The following TERF2 variants were observed in gnomAD, a reference collection of about 807,000 sequenced individuals.
TERF2 encodes telomeric repeat-binding factor 2.
TERF2 carries 16 observed loss-of-function variants against 56.1 expected under a neutral mutation model. The observed-to-expected ratio is 0.29, with a 90% CI of 0.19 to 0.43. The LOEUF (loss-of-function observed/expected upper bound fraction) is 0.43. TERF2 is among the 20% of genes least tolerant of loss of function. TERF2 has a pLI of 1.00. For missense variants in TERF2, 547 were observed against 712.9 expected, an observed-to-expected ratio of 0.77 and a Z score of 2.65; for synonymous variants, 296 against 282.1, an observed-to-expected ratio of 1.05 and a Z score of -0.50.
At chr16:69,368,631 A>G in intron 5 of TERF2, 149 bp from the exon 6 acceptor site, 1 of 1,528,878 alleles carries the variant, frequency 6.5e-7, no homozygotes, top group Non-Finnish European at 8.8e-7. Flanking sequence ...ATGGGAGAGA[A>G]CTTGTAAGAC....
intron 7 of TERF2, among the ~76,000 whole-genome samples, chr16:69,363,019 TTAAC>T (rs1216174157): frequency 6.6e-6 from 1 of 152,264 alleles, no homozygotes; most frequent in African/African-American, 2.4e-5. Flanking sequence ...ATGAAATTAC[TTAAC>T]TAAGTGGCTG....
chr16:69,384,866 C>A, intron 2 of TERF2, 156 bp from the exon 3 acceptor site: 1 of 631,770 alleles, frequency 1.6e-6, no homozygotes, highest in Non-Finnish European at 2.4e-6. Flanking sequence ...TTGACATACA[C>A]GATAAGGGTC....
intron 3 of TERF2, among the ~76,000 whole-genome samples, chr16:69,383,238 T>C (rs1373291503): frequency 6.6e-6 from 1 of 152,146 alleles, no homozygotes; most frequent in Non-Finnish European, 1.5e-5. Context: ...TTGAGTGCCA[T>C]GTTGGCACTC....
intron 7 of TERF2, chr16:69,365,096 G>C (rs1393700922): frequency 6.6e-6 from 1 of 152,276 alleles, no homozygotes; most frequent in Non-Finnish European, 1.5e-5. Context: ...GAGAGAGGGT[G>C]TATGTCTGAA....
chr16:69,357,428 C>G, intron 9 of TERF2, 90 bp downstream of exon 9: 1 of 1,087,152 alleles, frequency 9.2e-7, no homozygotes, highest in Non-Finnish European at 1.4e-6. Context: ...TTACTGGGTA[C>G]ATAACCAGTC....
intron 3 of TERF2, among the ~76,000 whole-genome samples, chr16:69,375,465 A>C (rs991630812): frequency 4.6e-5 from 7 of 152,186 alleles, no homozygotes; most frequent in Non-Finnish European, 1.5e-5. Flanking sequence ...TCAGAAGGCC[A>C]AGGTAGGAGG....
intron 8 of TERF2, among the ~76,000 whole-genome samples, chr16:69,358,903 T>C (rs1467571423): frequency 6.6e-6 from 1 of 152,258 alleles, no homozygotes; most frequent in Admixed American, 6.5e-5. Context: ...AAAAGGAATA[T>C]GCCTACGATA....
intron 6 of TERF2, 62 bp from the exon 7 acceptor site, chr16:69,367,261 C>T: frequency 2.6e-6 from 4 of 1,513,860 alleles, no homozygotes; most frequent in Non-Finnish European, 3.5e-6. Flanking sequence ...TCCAAACAGC[C>T]ACAACTTTTT....
chr16:69,372,579 A>G (rs904221292), intron 3 of TERF2, among the ~76,000 whole-genome samples: 1 of 152,148 alleles, frequency 6.6e-6, no homozygotes, highest in African/African-American at 2.4e-5. Flanking sequence ...CCTGACCAAC[A>G]TGGAGAAACC....
In TERF2 at chr16:69,356,166, C is replaced by A. The variant is rs761696093; in HGVS notation, c.*732G>T. The A allele has an allele frequency of 8.8e-6, 4 of 454,068 alleles. No homozygotes were observed. The highest frequency in any genetic ancestry group is 2.0e-5 in the African/African-American group (1 of 49,984). The allele number at this position is 454,068 out of a possible 1,614,324, so 28.1% of individuals were successfully genotyped here. ...GTTCCTTTGCATTTGCATCAGAAGG[C>A]CAGAACTTGACGTGGAACAAATTTA... On this transcript the variant is annotated 3_prime_UTR_variant, in exon 10 of 10. Transcript: ENST00000254942.
intron 2 of TERF2, 75 bp downstream of exon 2, chr16:69,385,316 T>G: frequency 7.8e-7 from 1 of 1,287,576 alleles, no homozygotes; most frequent in Non-Finnish European, 1.1e-6. Flanking sequence ...CCTGGAATCC[T>G]TCAGTTCTAG....
At chr16:69,360,309 T>C (rs2013085322) in intron 8 of TERF2, among the ~76,000 whole-genome samples, 1 of 150,990 alleles carries the variant, frequency 6.6e-6, no homozygotes, top group South Asian at 2.1e-4. Context: ...CACTTGAACC[T>C]GGAAGGCGGA....
intron 7 of TERF2, 140 bp downstream of exon 7, chr16:69,366,667 C>A (rs2013356560): frequency 1.4e-5 from 16 of 1,174,622 alleles, no homozygotes; most frequent in Non-Finnish European, 1.9e-5. Flanking sequence ...ACTGGCCACT[C>A]CTGCGTCAAG....
At chr16:69,371,056 T>C (rs1449094405) in intron 4 of TERF2, among the ~76,000 whole-genome samples, 1 of 145,620 alleles carries the variant, frequency 6.9e-6, no homozygotes, top group Non-Finnish European at 1.5e-5. Flanking sequence ...TTTGAAAGGA[T>C]AAAAGAAAAA....
chr16:69,382,633 T>C (rs1346361391), intron 3 of TERF2, among the ~76,000 whole-genome samples: 1 of 152,334 alleles, frequency 6.6e-6, no homozygotes, highest in Non-Finnish European at 1.5e-5. Flanking sequence ...TGATTTGCTG[T>C]AGGAAAACAA....
At chr16:69,367,879 T>C (rs2013409419) in intron 6 of TERF2, among the ~76,000 whole-genome samples, 1 of 152,204 alleles carries the variant, frequency 6.6e-6, no homozygotes, top group South Asian at 2.1e-4. Flanking sequence ...TGAGCATCCT[T>C]GGATACTCCC....
intron 3 of TERF2, among the ~76,000 whole-genome samples, chr16:69,376,784 C>T (rs1470575602): frequency 2.8e-5 from 4 of 145,394 alleles, no homozygotes; most frequent in African/African-American, 7.8e-5. Context: ...CACCTGAGCC[C>T]AGGAGGTCAA....
Position 69,356,124 on chromosome 16 carries a change from G to A in TERF2, c.*774C>T. On this transcript the variant is annotated 3_prime_UTR_variant, in exon 10 of 10. Transcript: ENST00000254942. The stretch of plus-strand genomic sequence containing the variant: ...CAAGGACTGGTCTGTCATCAACCTG[G>A]GTTCATAACAGACTAAGTTCCTTTG... 2.3e-6 allele frequency: 1 copy of A among 435,066 alleles called. No homozygotes were observed. Among genetic ancestry groups the A allele is most frequent in the East Asian group, 7.0e-5 (1 of 14,258 alleles). 27.0% of individuals were successfully genotyped at this position (435,066 alleles called of 1,614,324 possible). A position where few individuals can be genotyped will look rare whatever the true frequency, so the allele number is the denominator to read the frequency against.
intron 3 of TERF2, among the ~76,000 whole-genome samples, chr16:69,372,914 T>G (rs145447243): frequency 6.6e-6 from 1 of 152,260 alleles, no homozygotes; most frequent in Non-Finnish European, 1.5e-5. Context: ...TACAGACCAT[T>G]TAACCAATTT....
Sources: gnomAD v4.1 joint callset for allele counts (sites outside exome capture counted in the v4.1 genomes callset) on GRCh38, gnomAD v4.1.1 for gene constraint, MANE v1.5 for transcripts, NCBI Gene and HGNC (gene_info 2026-07-23, HGNC 2026-07-21) for gene names.